RAD51B: variants seen among roughly 807,000 people sequenced by gnomAD.
RAD51B encodes DNA repair protein RAD51 homolog 2.
In RAD51B, 38 loss-of-function variants were observed where a neutral mutation model predicts 42.2. That is an observed-to-expected ratio of 0.90 (90% CI 0.70 to 1.18). RAD51B has a LOEUF of 1.18. Among genes scored for constraint, RAD51B ranks in the 50% most tolerant of loss-of-function variants. The pLI is 0.00. For missense variants in RAD51B, 373 were observed against 400.7 expected (o/e 0.93, Z 0.59); for synonymous variants, 154 against 145.2 (o/e 1.06, Z -0.43).
At chr14:67,966,467 G>A (rs912533879) in intron 7 of RAD51B, among the ~76,000 whole-genome samples, 12 of 152,116 alleles carry the variant, frequency 7.9e-5, no homozygotes, top group African/African-American at 2.7e-4. Flanking sequence ...TATAAGTATT[G>A]TATTAACATA....
intron 1 of RAD51B, among the ~76,000 whole-genome samples, chr14:67,822,875 A>G (rs1397866793): frequency 6.6e-6 from 1 of 152,194 alleles, no homozygotes; most frequent in Non-Finnish European, 1.5e-5. Flanking sequence ...AATGGTTAAG[A>G]GGATAGGTTT....
chr14:68,327,984 C>G (rs1021480837), intron 8 of RAD51B, among the ~76,000 whole-genome samples: 2 of 152,142 alleles, frequency 1.3e-5, no homozygotes, highest in African/African-American at 4.8e-5. Flanking sequence ...AGGTGATTTA[C>G]TGGAACAGCT....
At position 68,477,733 on chromosome 14, in the gene RAD51B, T is replaced by C; in HGVS notation, c.*69T>C. ...TGAAATAAAACAGGACCGTACTGCT[T>C]GGAAGAAGGAAACGGAAGCTGACAT... On this transcript the variant is annotated 3_prime_UTR_variant, in exon 11 of 11. Coordinates refer to ENST00000471583, the MANE Select transcript of RAD51B (RefSeq NM_133510.4). The C allele has an allele frequency of 6.3e-7, 1 of 1,583,248 alleles. No homozygotes were observed. The highest frequency in any genetic ancestry group is 8.5e-7 in the Non-Finnish European group (1 of 1,171,620).
intron 7 of RAD51B, among the ~76,000 whole-genome samples, chr14:68,261,400 G>A (rs989825873): frequency 6.6e-6 from 1 of 152,196 alleles, no homozygotes; most frequent in African/African-American, 2.4e-5. Context: ...AGCCTATTTA[G>A]AAGTGTGCGA....
chr14:68,426,014 TTCTTTCTTTCTTTCTC>T (rs1314057341), intron 9 of RAD51B, among the ~76,000 whole-genome samples: 5 of 146,344 alleles, frequency 3.4e-5, no homozygotes, highest in African/African-American at 1.1e-4. Context: ...CTTCCTTTCT[TTCTTTCTTTCTTTCTC>T]TCTTTCTTTC....
chr14:68,477,876 C>A lies in RAD51B; in HGVS notation c.*212C>A, dbSNP rs949348286. 5 of 1,401,778 alleles carry A rather than the reference C, an allele frequency of 3.6e-6. No individual in the cohort carries two copies. The highest frequency in any genetic ancestry group is 1.5e-5 in the African/African-American group (1 of 68,640). The allele number at this position is 1,401,778 out of a possible 1,614,324, so 86.8% of individuals were successfully genotyped here. Reference sequence around the variant, plus strand: ...AAGATGAAGAAGCCTTTGTTCAGGTCTCTAGATGTGTAGGGCTGAGGGCTT... The same window carrying A: ...AAGATGAAGAAGCCTTTGTTCAGGTATCTAGATGTGTAGGGCTGAGGGCTT... On this transcript the variant is annotated 3_prime_UTR_variant, in exon 11 of 11. Transcript: ENST00000471583.
chr14:68,424,983 C>T (rs976153370), intron 9 of RAD51B, among the ~76,000 whole-genome samples: 1 of 152,168 alleles, frequency 6.6e-6, no homozygotes, highest in African/African-American at 2.4e-5. Context: ...CTGTGTTGCC[C>T]AGGCTGGGCT....
chr14:68,399,385 T>C (rs13379178), intron 8 of RAD51B, among the ~76,000 whole-genome samples: 10,558 of 151,330 alleles, frequency 0.07, 1,240 homozygotes, highest in African/African-American at 0.24. Flanking sequence ...GCCTCCCGAG[T>C]AGCTGGGACT....
chr14:68,065,103 G>C (rs948393157), intron 7 of RAD51B, among the ~76,000 whole-genome samples: 1 of 152,116 alleles, frequency 6.6e-6, no homozygotes, highest in African/African-American at 2.4e-5. Context: ...TTTTGTAGAG[G>C]GGCTTTCGTT....
intron 10 of RAD51B, among the ~76,000 whole-genome samples, chr14:68,592,049 T>C (rs1354021996): frequency 6.6e-6 from 1 of 152,146 alleles, no homozygotes; most frequent in Non-Finnish European, 1.5e-5. Context: ...TCCTACTCCC[T>C]GAAGGATCTG....
intron 7 of RAD51B, among the ~76,000 whole-genome samples, chr14:68,073,502 G>A (rs1277562237): frequency 1.3e-5 from 2 of 152,070 alleles, no homozygotes; most frequent in Non-Finnish European, 2.9e-5. Context: ...CTTTTAGGTG[G>A]GATGCTTAAC....
chr14:68,593,061 G>T (rs1178972935), intron 10 of RAD51B, among the ~76,000 whole-genome samples: 1 of 152,222 alleles, frequency 6.6e-6, no homozygotes, highest in Non-Finnish European at 1.5e-5. Context: ...GAGTCCTGTT[G>T]TCAGACTGAG....
intron 7 of RAD51B, among the ~76,000 whole-genome samples, chr14:67,988,193 G>A (rs1007205869): frequency 2.0e-5 from 3 of 152,132 alleles, no homozygotes; most frequent in Admixed American, 6.5e-5. Flanking sequence ...AGGTGCGGTC[G>A]TTCACGCCTG....
At chr14:68,516,824 A>C (rs1594934662) in intron 10 of RAD51B, among the ~76,000 whole-genome samples, 1 of 152,376 alleles carries the variant, frequency 6.6e-6, no homozygotes, top group Non-Finnish European at 1.5e-5. Context: ...ATGAAAACTA[A>C]AAGTTCTTAT....
chr14:68,192,160 A>G (rs2079280902), intron 7 of RAD51B, among the ~76,000 whole-genome samples: 1 of 152,186 alleles, frequency 6.6e-6, no homozygotes, highest in Admixed American at 6.5e-5. Flanking sequence ...GAGTGAATAT[A>G]AGGAGTTTTG....
At chr14:68,247,635 G>A (rs2080527525) in intron 7 of RAD51B, among the ~76,000 whole-genome samples, 1 of 152,102 alleles carries the variant, frequency 6.6e-6, no homozygotes, top group African/African-American at 2.4e-5. Context: ...CATTCTCAAC[G>A]GAACATAATT....
chr14:68,522,892 AG>A (rs764397951), intron 10 of RAD51B, among the ~76,000 whole-genome samples: 21 of 152,320 alleles, frequency 1.4e-4, no homozygotes, highest in Non-Finnish European at 1.5e-4. Flanking sequence ...TCCCTGACTC[AG>A]GAACAATTTG....
At chr14:68,027,441 T>C (rs1398844330) in intron 7 of RAD51B, among the ~76,000 whole-genome samples, 1 of 152,206 alleles carries the variant, frequency 6.6e-6, no homozygotes, top group African/African-American at 2.4e-5. Flanking sequence ...TCCAAGTTGC[T>C]TACTCTCTTT....
intron 8 of RAD51B, among the ~76,000 whole-genome samples, chr14:68,337,482 C>G (rs1453489486): frequency 6.6e-6 from 1 of 152,228 alleles, no homozygotes; most frequent in Non-Finnish European, 1.5e-5. Context: ...TGTACTCTTG[C>G]ATCCTGTGGT....
Sources: allele counts gnomAD v4.1 joint callset (sites outside exome capture counted in the v4.1 genomes callset), GRCh38; gene constraint gnomAD v4.1.1; transcripts MANE v1.5; gene names NCBI Gene and HGNC (gene_info 2026-07-23, HGNC 2026-07-21).